The following CLGN variants were observed in gnomAD, a reference collection of about 807,000 sequenced individuals.
The protein encoded by CLGN is testis tissue sperm-binding protein Li 79P.
In CLGN, 62 loss-of-function variants were observed where a neutral mutation model predicts 79.1. The observed-to-expected ratio is 0.78, with a 90% CI of 0.64 to 0.97. CLGN has a LOEUF of 0.97. Ranked by LOEUF, CLGN falls within the 50% of genes least tolerant of loss-of-function variation. The probability of loss-of-function intolerance (pLI) is 0.00; values close to 1 mark genes in which losing one functional copy is unlikely to be tolerated. For synonymous variants in CLGN, 225 were observed against 224.7 expected (o/e 1.00, Z -0.01); for missense variants, 647 against 715.5 (o/e 0.90, Z 1.09).
chr4:140,397,861 G>C (rs959251866), intron 8 of CLGN, among the ~76,000 whole-genome samples: 6 of 152,272 alleles, frequency 3.9e-5, no homozygotes, highest in African/African-American at 1.2e-4. Context: ...CTGAGATCAC[G>C]CCATTGCATT....
At chr4:140,407,329 G>A (rs745863413) in intron 4 of CLGN, among the ~76,000 whole-genome samples, 5 of 152,014 alleles carry the variant, frequency 3.3e-5, no homozygotes, top group Non-Finnish European at 5.9e-5. Context: ...CCTAGCCAGC[G>A]CAATCTGGCA....
intron 5 of CLGN, 105 bp downstream of exon 5, chr4:140,405,837 G>A (rs943068505): frequency 2.6e-6 from 3 of 1,156,928 alleles, no homozygotes; most frequent in South Asian, 3.3e-5. Flanking sequence ...AAACGAAAAA[G>A]GAAGATCTAG....
At chr4:140,423,316 A>G (rs1205873470) in intron 1 of CLGN, among the ~76,000 whole-genome samples, 1 of 152,200 alleles carries the variant, frequency 6.6e-6, no homozygotes. Context: ...TCCCCTCCCT[A>G]CATTGTAAAT....
At chr4:140,413,650 G>C (rs1029971432) in intron 1 of CLGN, among the ~76,000 whole-genome samples, 4 of 152,220 alleles carry the variant, frequency 2.6e-5, no homozygotes, top group Admixed American at 6.5e-5. Flanking sequence ...TTTTCCAACA[G>C]GCTTAAAAAA....
At chr4:140,400,630 A>G in intron 6 of CLGN, 81 bp from the exon 7 acceptor site, 1 of 831,940 alleles carries the variant, frequency 1.2e-6, no homozygotes, top group Admixed American at 3.1e-5. Context: ...CAATGGGTAG[A>G]GTTTACAAAA....
chr4:140,414,034 A>G (rs1023463980), intron 1 of CLGN, among the ~76,000 whole-genome samples: 1 of 152,246 alleles, frequency 6.6e-6, no homozygotes, highest in African/African-American at 2.4e-5. Flanking sequence ...TGCCTCCTCA[A>G]GTGGGTCCCT....
chr4:140,395,241 G>A (rs899981819), intron 10 of CLGN, among the ~76,000 whole-genome samples: 1 of 152,012 alleles, frequency 6.6e-6, no homozygotes, highest in African/African-American at 2.4e-5. Context: ...CCACCTCCAG[G>A]GTCCAAGAGA....
At position 140,400,436 on chromosome 4, in the gene CLGN, G is replaced by A. The variant is rs749787516; in HGVS notation, c.615C>T (p.Phe205=). 7.4e-6 allele frequency: 12 copies of A among 1,612,780 alleles called. No individual in the cohort carries two copies. Among genetic ancestry groups the A allele is most frequent in the Admixed American group, 1.7e-5 (1 of 59,936 alleles). The change falls in exon 7 of 15, where the codon TTC becomes TTT. Residue 205 remains phenylalanine (F), a synonymous_variant. Transcript: ENST00000325617. The stretch of plus-strand genomic sequence containing the variant: ...CTGGAGGTTTGGCATGTTTCTCTTC[G>A]AAAACTCCAGTTTTGGGATGTTTAT... ...FRHKHPKTGV[F]EEKHAKPPDV...
intron 1 of CLGN, 26 bp from the exon 2 acceptor site, chr4:140,413,113 A>T: frequency 6.4e-7 from 1 of 1,554,020 alleles, no homozygotes; most frequent in Non-Finnish European, 8.8e-7. Context: ...TAATTAGTGA[A>T]AATAAAACAA....
At chr4:140,402,178 T>A in intron 5 of CLGN, 112 bp from the exon 6 acceptor site, 1 of 541,276 alleles carries the variant, frequency 1.8e-6, no homozygotes, top group South Asian at 3.6e-5. Context: ...TTTTACATTA[T>A]CAGAAAACTC....
chr4:140,390,712 A>G lies in CLGN; in HGVS notation c.1668T>C (p.Pro556=). The G allele has an allele frequency of 6.2e-7, 1 of 1,601,080 alleles. No homozygotes were observed. ...EMLEKEEESE[P]EEKSEEEIEI... is the part of the protein sequence containing the mutation. ...CAATTTCTTCTTCACTCTTTTCCTC[A>G]GGTTCACTTTCCTCTTCTAGAATAC... Residue 556 remains proline (P), a synonymous_variant, in exon 14 of 15, where the codon CCT becomes CCC. Transcript: ENST00000325617.
chr4:140,423,408 C>CT (rs1309165428), intron 1 of CLGN, among the ~76,000 whole-genome samples: 1 of 152,166 alleles, frequency 6.6e-6, no homozygotes, highest in East Asian at 1.9e-4. Context: ...GTATATAACT[C>CT]TTTTAATATG....
intron 4 of CLGN, 101 bp from the exon 5 acceptor site, chr4:140,406,184 A>C: frequency 8.6e-7 from 1 of 1,159,122 alleles, no homozygotes; most frequent in Non-Finnish European, 1.2e-6. Flanking sequence ...AGGAAGCCTG[A>C]CTTGGGAAAA....
In CLGN at chr4:140,406,102, C is replaced by A. The variant is rs1429107501; in HGVS notation, c.278-19G>T. 1 of 1,607,474 alleles carries A rather than the reference C, an allele frequency of 6.2e-7. No homozygotes were observed. The highest frequency in any genetic ancestry group is 1.7e-4 in the Middle Eastern group (1 of 5,798). ...CATCTTCCTAAAAAATAAAGCAAAG[C>A]AAATTAAACTAAAACAGAAAACATT... On this transcript the variant is annotated intron_variant, in intron 4 of 14. Transcript: ENST00000325617.
intron 10 of CLGN, among the ~76,000 whole-genome samples, chr4:140,394,743 G>A (rs1248863625): frequency 3.9e-5 from 6 of 152,174 alleles, no homozygotes; most frequent in Non-Finnish European, 8.8e-5. Context: ...ACTACAGTGA[G>A]TAATTAGAAT....
rs1431688244 is a variant in CLGN at position 140,395,877 on chromosome 4, T to C, written c.1091A>G (p.Asp364Gly). The change falls in exon 10 of 15, where the codon GAT becomes GGT. Residue 364 changes from aspartate (D) to glycine (G), a missense_variant. Transcript: ENST00000325617. ...GCGEWKPPMI[D>G]NPKYKGVWRP... ...CCATACTCCTTTGTATTTTGGGTTA[T>C]CTATCATGGGAGGTTTCCACTCACC... 5.0e-6 allele frequency: 8 copies of C among 1,595,254 alleles called. No individual in the cohort carries two copies. Among genetic ancestry groups the C allele is most frequent in the Non-Finnish European group, 6.8e-6 (8 of 1,173,912 alleles).
chr4:140,421,603 C>T lies in CLGN; in HGVS notation c.-10+5934G>A, dbSNP rs571542243. Among the ~76,000 whole-genome samples, 39 of 152,054 alleles carry T rather than the reference C, an allele frequency of 2.6e-4. No homozygotes were observed. The East Asian group carries it at 6.2e-3, about 24-fold the overall frequency. Reference sequence around the variant, plus strand: ...TGCTTGTTGGCTATTTATACATCTTCAAGGGAAACATGTCTATTCAAGTCC... The same window carrying T: ...TGCTTGTTGGCTATTTATACATCTTTAAGGGAAACATGTCTATTCAAGTCC... On this transcript the variant is annotated intron_variant, in intron 1 of 14. Transcript: ENST00000325617.
chr4:140,405,830 C>T (rs1304842788), intron 5 of CLGN, 112 bp downstream of exon 5: 16 of 1,092,070 alleles, frequency 1.5e-5, no homozygotes, highest in South Asian at 3.5e-5. Flanking sequence ...CTAAGTGAAA[C>T]GAAAAAGGAA....
intron 1 of CLGN, among the ~76,000 whole-genome samples, chr4:140,419,700 C>T (rs367546953): frequency 5.9e-5 from 9 of 151,978 alleles, no homozygotes; most frequent in African/African-American, 2.2e-4. Flanking sequence ...CCTATAATTC[C>T]ACAATTACAT....
Sources: gnomAD v4.1 joint callset for allele counts (sites outside exome capture counted in the v4.1 genomes callset) on GRCh38, gnomAD v4.1.1 for gene constraint, MANE v1.5 for transcripts, NCBI Gene and HGNC (gene_info 2026-07-23, HGNC 2026-07-21) for gene names.